The following CD22 variants were observed in gnomAD, a reference collection of about 807,000 sequenced individuals.
CD22 encodes the protein B-cell receptor CD22.
In CD22, 51 loss-of-function variants were observed where a neutral mutation model predicts 94.7. The ratio of observed to expected loss-of-function variants is 0.54; its 90% CI spans 0.43 to 0.68. The LOEUF is 0.68. Among genes scored for constraint, CD22 ranks in the 30% least tolerant of loss-of-function variants. The probability of loss-of-function intolerance (pLI) is 0.00; values close to 1 mark genes in which losing one functional copy is unlikely to be tolerated. For missense variants in CD22, 931 were observed against 1,060.4 expected (o/e 0.88, Z 1.69); for synonymous variants, 424 against 422.5 (o/e 1.00, Z -0.04).
Position 35,332,929 on chromosome 19 carries a change from G to C in CD22, c.412+5G>C. ...GAATACACCTCAATGTCTCTGGTAA[G>C]GCCTTCGGGGAGCGGGTCCTCTGCT... On this transcript the variant is annotated splice_donor_5th_base_variant and intron_variant, in intron 3 of 13. Transcript: ENST00000085219. 1 of 1,610,652 alleles carries C rather than the reference G, an allele frequency of 6.2e-7. No individual in the cohort carries two copies. Among genetic ancestry groups the C allele is most frequent in the Non-Finnish European group, 8.5e-7 (1 of 1,177,200 alleles).
At chr19:35,342,025 C>G (rs1321721033) in intron 9 of CD22, 60 bp downstream of exon 9, 1 of 1,003,560 alleles carries the variant, frequency 1.0e-6, no homozygotes, top group Non-Finnish European at 1.4e-6. Flanking sequence ...TTCCTTCCTT[C>G]CTTCCTTCCT....
In CD22 at chr19:35,345,420, C is replaced by CAAA. The variant is rs61349223; in HGVS notation, c.2209-159_2209-157dup. ...TGGGTGACATACTGAGACTCTGCCT[C>CAAA]AAAAAAAAAAAAAAAAAAAAAAAAA... On this transcript the variant is annotated intron_variant, in intron 11 of 13. Coordinates refer to ENST00000085219, the MANE Select transcript of CD22 (RefSeq NM_001771.4). 772 of 156,342 alleles carry CAAA rather than the reference C, an allele frequency of 4.9e-3. 1 individual carries two copies. Among genetic ancestry groups the CAAA allele is most frequent in the South Asian group, 0.011 (110 of 10,148 alleles). The allele number at this position is 156,342 out of a possible 1,614,324, so 9.7% of individuals were successfully genotyped here. A position where few individuals can be genotyped will look rare whatever the true frequency, so the allele number is the denominator to read the frequency against.
chr19:35,338,968 C>T (rs1020190936), intron 6 of CD22, among the ~76,000 whole-genome samples: 4 of 147,680 alleles, frequency 2.7e-5, no homozygotes, highest in African/African-American at 9.9e-5. Context: ...GGTGCGGTGG[C>T]TCCCGCCTGC....
Position 35,345,735 on chromosome 19 carries a change from A to T in CD22, c.2327+15A>T. The T allele has an allele frequency of 6.5e-7, 1 of 1,537,102 alleles. No homozygotes were observed. Among genetic ancestry groups the T allele is most frequent in the Non-Finnish European group, 9.0e-7 (1 of 1,109,606 alleles). On this transcript the variant is annotated intron_variant, in intron 12 of 13. Transcript: ENST00000085219. The stretch of plus-strand genomic sequence containing the variant: ...CCACGAACTGGGTACTGAGGGTACC[A>T]GGAGGGTGACCCTGCACCCTGGGAG...
At chr19:35,340,228 T>C (rs2066787458) in intron 6 of CD22, among the ~76,000 whole-genome samples, 1 of 152,106 alleles carries the variant, frequency 6.6e-6, no homozygotes, top group South Asian at 2.1e-4. Flanking sequence ...CATTTCCTTC[T>C]TGAAACAATT....
chr19:35,338,501 G>T, intron 6 of CD22, 70 bp downstream of exon 6: 2 of 1,509,840 alleles, frequency 1.3e-6, no homozygotes, highest in Non-Finnish European at 1.8e-6. Flanking sequence ...GGCAGATGGG[G>T]TGCAGGGCAT....
At position 35,341,618 on chromosome 19, in the gene CD22, C is replaced by A; in HGVS notation, c.1771+12C>A. 1 of 1,608,320 alleles carries A rather than the reference C, an allele frequency of 6.2e-7. No homozygotes were observed. On this transcript the variant is annotated intron_variant, in intron 8 of 13. Coordinates refer to ENST00000085219, the MANE Select transcript of CD22 (RefSeq NM_001771.4). This position sits in a 1 kb window ranked among gnomAD's most constrained non-coding sequence, Gnocchi z 4.0. ...ACTTGAAGTGCTGTGTGAGTGAGGG[C>A]CGGAGGCTGGGAGTGGAGCAGAGAA... is the stretch of plus-strand genomic sequence containing the variant.
intron 12 of CD22, 119 bp from the exon 13 acceptor site, chr19:35,346,032 C>A: frequency 1.3e-6 from 1 of 765,526 alleles, no homozygotes; most frequent in Non-Finnish European, 2.3e-6. Flanking sequence ...ACTGGGGAGG[C>A]CACAGGTTTT....
intron 1 of CD22, among the ~76,000 whole-genome samples, chr19:35,331,510 GC>G (rs1046612664): frequency 6.6e-6 from 1 of 152,144 alleles, no homozygotes; most frequent in African/African-American, 2.4e-5. Flanking sequence ...GAGAGAGGCT[GC>G]CCCCGCAGGG....
intron 1 of CD22, chr19:35,331,589 C>G (rs112741371): frequency 0.022 from 3,886 of 180,172 alleles, 153 homozygotes; most frequent in African/African-American, 0.087. Context: ...TGGCTCACAC[C>G]TGTAGTGCCA....
In CD22 at chr19:35,336,361, C is replaced by G. The variant is rs1368645028; in HGVS notation, c.718+20C>G. ...TGAAGCGTGAGTCTCCCCGGCATGC[C>G]TGTGGGAAGGGCAAGGTCTGTGTCA... On this transcript the variant is annotated intron_variant, in intron 4 of 13. Coordinates refer to ENST00000085219, the MANE Select transcript of CD22 (RefSeq NM_001771.4). 1 of 1,609,250 alleles carries G rather than the reference C, an allele frequency of 6.2e-7. No homozygotes were observed. Among genetic ancestry groups the G allele is most frequent in the Admixed American group, 1.7e-5 (1 of 59,800 alleles).
rs1035447392 is a variant in CD22 at position 35,337,808 on chromosome 19, G to A, written c.772G>A (p.Gly258Arg). ...VTPSDAIVRE[G>R]DSVTMTCEVS... ...TCCCAGTGATGCCATAGTGAGGGAG[G>A]GGGACTCTGTGACCATGACCTGCGA... The change falls in exon 5 of 14, where the codon GGG becomes AGG. Residue 258 changes from glycine to arginine, a missense_variant. Gly to Arg is a moderately radical substitution (Grantham distance 125, BLOSUM62 -2). Transcript: ENST00000085219. The surrounding 1 kb of genome is among the most constrained non-coding windows in gnomAD (Gnocchi z 4.4). 4 of 1,612,690 alleles carry A rather than the reference G, an allele frequency of 2.5e-6. No homozygotes were observed. The East Asian group carries it at 6.7e-5, about 27-fold the overall frequency.
chr19:35,344,062 G>A (rs1000988588), intron 9 of CD22, among the ~76,000 whole-genome samples: 2 of 152,214 alleles, frequency 1.3e-5, no homozygotes, highest in African/African-American at 4.8e-5. Context: ...TGGGTGTGGT[G>A]GCGCGCACCT....
chr19:35,331,784 T>C (rs1195742255), intron 1 of CD22: 3 of 642,500 alleles, frequency 4.7e-6, no homozygotes, highest in African/African-American at 3.8e-5. Flanking sequence ...GAAGCAGAGG[T>C]TGCAGTGAGC....
Position 35,346,720 on chromosome 19 carries a change from G to T in CD22, c.*23G>T. The T allele has an allele frequency of 1.9e-6, 3 of 1,582,002 alleles. No homozygotes were observed. In the South Asian group the frequency reaches 3.5e-5, roughly 18 times the overall value. ...TGACACTGGATGGGCTGCAGCAGAGGCACTGGGGGCAGCGGGGGCCAGGGA... is the reference window on the plus strand; with the variant it reads ...TGACACTGGATGGGCTGCAGCAGAGTCACTGGGGGCAGCGGGGGCCAGGGA... On this transcript the variant is annotated 3_prime_UTR_variant, in exon 14 of 14. Coordinates refer to ENST00000085219, the MANE Select transcript of CD22 (RefSeq NM_001771.4).
At position 35,329,202 on chromosome 19, in the gene CD22, C is replaced by T; in HGVS notation, c.-51C>T. ...TTTTGCTCTCAGATGCTGCCAGGGT[C>T]CCTGAAGAGGGAAGACACGCGGAAA... On this transcript the variant is annotated 5_prime_UTR_variant, in exon 1 of 14. Transcript: ENST00000085219. 7.8e-7 allele frequency: 1 copy of T among 1,289,606 alleles called. No homozygotes were observed. The highest frequency in any genetic ancestry group is 1.2e-5 in the South Asian group (1 of 81,020). The allele number at this position is 1,289,606 out of a possible 1,614,324, so 79.9% of individuals were successfully genotyped here.
intron 1 of CD22, 67 bp downstream of exon 1, chr19:35,329,297 C>A: frequency 9.8e-7 from 1 of 1,017,574 alleles, no homozygotes; most frequent in Non-Finnish European, 1.4e-6. Context: ...AGTTATGGGC[C>A]AGGCATACCT....
rs2066643808 is a variant in CD22 at position 35,331,509 on chromosome 19, TG to T, written c.-22-509del. On this transcript the variant is annotated intron_variant, in intron 1 of 13. Coordinates refer to ENST00000085219, the MANE Select transcript of CD22 (RefSeq NM_001771.4). ...AGGAGTTCTGGGAAGAGAGAGAGGC[TG>T]CCCCCGCAGGGCTCTCAGTTTGAAG... 3.9e-5 allele frequency among the ~76,000 whole-genome samples: 6 copies of T among 152,216 alleles called. No individual in the cohort carries two copies. The South Asian group carries it at 1.2e-3, about 32-fold the overall frequency.
chr19:35,332,527 T>C lies in CD22; in HGVS notation c.35-20T>C. The C allele has an allele frequency of 6.3e-7, 1 of 1,582,496 alleles. No homozygotes were observed. Among genetic ancestry groups the C allele is most frequent in the Non-Finnish European group, 8.6e-7 (1 of 1,166,828 alleles). On this transcript the variant is annotated intron_variant, in intron 2 of 13. Transcript: ENST00000085219. ...GGCTCTCATGCCCCCTTAGTAATGCTTTCTGATCACTGTGGTGAGTTCTAG... is the reference window on the plus strand; with the variant it reads ...GGCTCTCATGCCCCCTTAGTAATGCCTTCTGATCACTGTGGTGAGTTCTAG...
Sources: allele counts gnomAD v4.1 joint callset (sites outside exome capture counted in the v4.1 genomes callset), GRCh38; gene constraint gnomAD v4.1.1; non-coding constraint Gnocchi (gnomAD v3.1); transcripts MANE v1.5; gene names NCBI Gene and HGNC (gene_info 2026-07-23, HGNC 2026-07-21).